The following TRIM69 variants were observed in gnomAD, a reference collection of about 807,000 sequenced individuals.
TRIM69 encodes the protein tripartite motif containing 69, also known as E3 ubiquitin-protein ligase TRIM69.
A neutral mutation model predicts 37.7 loss-of-function variants in TRIM69; 29 were observed. The ratio of observed to expected loss-of-function variants is 0.77; its 90% CI spans 0.57 to 1.05. TRIM69 has a LOEUF of 1.05. Among genes scored for constraint, TRIM69 ranks in the 50% least tolerant of loss-of-function variants. The pLI is 0.00. For synonymous variants in TRIM69, 209 were observed against 212.4 expected (o/e 0.98, Z 0.14); for missense variants, 596 against 579.9 (o/e 1.03, Z -0.28).
At chr15:44,756,493 T>G in intron 3 of TRIM69, 30 bp downstream of exon 3, 2 of 1,450,854 alleles carry the variant, frequency 1.4e-6, no homozygotes, top group Non-Finnish European at 1.9e-6. Flanking sequence ...GGTTATGAGA[T>G]AGAACTGGAA....
At chr15:44,746,069 C>CAAAAT (rs71111888) in intron 1 of TRIM69, among the ~76,000 whole-genome samples, 1 of 151,524 alleles carries the variant, frequency 6.6e-6, no homozygotes, top group Non-Finnish European at 1.5e-5. Flanking sequence ...AGAGCCACAC[C>CAAAAT]AAGTTATAAT....
At chr15:44,752,993 T>C (rs932905446) in intron 1 of TRIM69, 5 of 152,180 alleles carry the variant, frequency 3.3e-5, no homozygotes. Context: ...CACATAACTA[T>C]TGTTTTGTGC....
At chr15:44,764,368 T>C (rs1009409908) in intron 6 of TRIM69, among the ~76,000 whole-genome samples, 3 of 152,236 alleles carry the variant, frequency 2.0e-5, no homozygotes, top group African/African-American at 7.2e-5. Flanking sequence ...TGTTTTTCTA[T>C]GGTAACTGTG....
chr15:44,743,050 C>T (rs2087325978), intron 1 of TRIM69, among the ~76,000 whole-genome samples: 1 of 152,048 alleles, frequency 6.6e-6, no homozygotes, highest in African/African-American at 2.4e-5. Flanking sequence ...CATCATGCTA[C>T]CTGACTTCAA....
At chr15:44,752,721 C>T (rs6493125) in intron 1 of TRIM69, among the ~76,000 whole-genome samples, 138,904 of 152,106 alleles carry the variant, frequency 0.91, 63,633 homozygotes, top group Middle Eastern at 0.96. Flanking sequence ...TTGTGATTAA[C>T]TGATTTTTTT....
At chr15:44,750,893 TTTTTATC>T (rs1423063090) in intron 1 of TRIM69, among the ~76,000 whole-genome samples, 6 of 148,996 alleles carry the variant, frequency 4.0e-5, no homozygotes, top group African/African-American at 1.2e-4. Flanking sequence ...CCTGGCTGAT[TTTTTATC>T]TTTTTAGTAG....
chr15:44,767,809 A>C lies in TRIM69; in HGVS notation c.*37A>C. 6.4e-7 allele frequency: 1 copy of C among 1,551,944 alleles called. No individual in the cohort carries two copies. The highest frequency in any genetic ancestry group is 8.7e-7 in the Non-Finnish European group (1 of 1,150,778). ...ATTATACAAATTCAGAGTGTTATTA[A>C]AGAGGTATTGAAATATTTTACCAGT... is the stretch of plus-strand genomic sequence containing the variant. On this transcript the variant is annotated 3_prime_UTR_variant, in exon 7 of 7. Coordinates refer to ENST00000329464, the MANE Select transcript of TRIM69 (RefSeq NM_182985.5).
intron 1 of TRIM69, among the ~76,000 whole-genome samples, chr15:44,750,320 T>C (rs111246369): frequency 3.9e-5 from 6 of 152,180 alleles, no homozygotes; most frequent in African/African-American, 1.4e-4. Flanking sequence ...TTGAGAAGGA[T>C]TGATATTAAT....
Position 44,755,057 on chromosome 15 carries a change from G to C in TRIM69, c.164G>C (p.Ser55Thr). 6.2e-7 allele frequency: 1 copy of C among 1,614,210 alleles called. No homozygotes were observed. Among genetic ancestry groups the C allele is most frequent in the Admixed American group, 1.7e-5 (1 of 60,024 alleles). The change falls in exon 2 of 7, where the codon AGC becomes ACC. Residue 55 changes from serine to threonine, a missense_variant. Physicochemically the swap from Ser to Thr is moderately conservative, Grantham distance 58. Transcript: ENST00000329464. ...TGGTTCCGAGACCCACTGATGCTAA[G>C]CTGTGGCCACAACTTCTGTGAAGCC... The part of the protein sequence containing the change: ...NDWFRDPLML[S>T]CGHNFCEACI...
intron 1 of TRIM69, among the ~76,000 whole-genome samples, chr15:44,751,061 T>C (rs182642136): frequency 6.6e-6 from 1 of 150,498 alleles, no homozygotes; most frequent in African/African-American, 2.4e-5. Flanking sequence ...GCTCACGTGA[T>C]TCTCCCACCT....
Position 44,754,896 on chromosome 15 carries a change from A to G in TRIM69, c.7-4A>G, listed in dbSNP as rs758945140. The G allele has an allele frequency of 2.5e-6, 4 of 1,597,076 alleles. No homozygotes were observed. Among genetic ancestry groups the G allele is most frequent in the Non-Finnish European group, 3.4e-6 (4 of 1,167,364 alleles). ...AAACTCATTTTAGCTGTTCTTTTCT[A>G]AAGGTATCCACCAACCCCTCCTCCA... On this transcript the variant is annotated splice_region_variant and splice_polypyrimidine_tract_variant and intron_variant, in intron 1 of 6. Transcript: ENST00000329464.
At chr15:44,737,424 T>A (rs1481513665) in intron 1 of TRIM69, among the ~76,000 whole-genome samples, 1 of 152,216 alleles carries the variant, frequency 6.6e-6, no homozygotes, top group African/African-American at 2.4e-5. Context: ...CTATAAGCAT[T>A]TTGTTTATAA....
At position 44,764,514 on chromosome 15, in the gene TRIM69, T is replaced by C. The variant is rs539338938; in HGVS notation, c.962-2717T>C. On this transcript the variant is annotated intron_variant, in intron 6 of 6. Coordinates refer to ENST00000329464, the MANE Select transcript of TRIM69 (RefSeq NM_182985.5). ...TAGAGCAGGAGCTGGCACTTTTCTG[T>C]AAAGGTTTGAAGAGTAAATATTTTA... 7.9e-5 allele frequency among the ~76,000 whole-genome samples: 12 copies of C among 152,086 alleles called. No homozygotes were observed. In the East Asian group the frequency reaches 2.3e-3, roughly 29 times the overall value.
chr15:44,755,709 G>T (rs2087632037), intron 2 of TRIM69, among the ~76,000 whole-genome samples: 1 of 152,112 alleles, frequency 6.6e-6, no homozygotes. Flanking sequence ...TTAAAATGAA[G>T]AAAACAACAG....
chr15:44,761,684 T>C (rs1391756811), intron 6 of TRIM69, among the ~76,000 whole-genome samples: 1 of 152,194 alleles, frequency 6.6e-6, no homozygotes, highest in South Asian at 2.1e-4. Flanking sequence ...AGGCTGATCT[T>C]GAACTCCTGG....
chr15:44,736,612 T>G lies in TRIM69; in HGVS notation c.-93T>G. On this transcript the variant is annotated 5_prime_UTR_variant, in exon 1 of 7. Transcript: ENST00000329464. The stretch of plus-strand genomic sequence containing the variant: ...TGCTCTGAGCCCATTCCTTGAAAAC[T>G]AAAAGGTCCCTGACTCCCAGTCTGC... The G allele has an allele frequency of 6.6e-7, 1 of 1,513,234 alleles. No individual in the cohort carries two copies. The highest frequency in any genetic ancestry group is 9.0e-7 in the Non-Finnish European group (1 of 1,115,102). The allele number at this position is 1,513,234 out of a possible 1,614,324, so 93.7% of individuals were successfully genotyped here. A position where few individuals can be genotyped will look rare whatever the true frequency, so the allele number is the denominator to read the frequency against.
chr15:44,753,708 T>G lies in TRIM69; in HGVS notation c.7-1192T>G, dbSNP rs1009910976. The G allele has an allele frequency of 3.3e-5, 5 of 152,296 alleles. No homozygotes were observed. The South Asian group carries it at 6.2e-4, about 19-fold the overall frequency. The allele number at this position is 152,296 out of a possible 1,614,324, so 9.4% of individuals were successfully genotyped here. On this transcript the variant is annotated intron_variant, in intron 1 of 6. Transcript: ENST00000329464. ...TCATATTTTGGAAGTTTTCAGCCATTACTTTTTCAAAAATTTTTTTTTTTG... is the reference window on the plus strand; with the variant it reads ...TCATATTTTGGAAGTTTTCAGCCATGACTTTTTCAAAAATTTTTTTTTTTG...
At chr15:44,737,677 T>G (rs1315563502) in intron 1 of TRIM69, among the ~76,000 whole-genome samples, 1 of 152,198 alleles carries the variant, frequency 6.6e-6, no homozygotes, top group Non-Finnish European at 1.5e-5. Context: ...CCTTCTTATG[T>G]GCAAATGGCT....
chr15:44,765,784 C>CA lies in TRIM69; in HGVS notation c.962-1437dup, dbSNP rs752946155. 5.3e-3 allele frequency among the ~76,000 whole-genome samples: 740 copies of CA among 138,938 alleles called. 1 individual carries two copies. The highest frequency in any genetic ancestry group is 7.9e-3 in the South Asian group (35 of 4,458). The allele number at this position is 138,938 out of a possible 152,430, so 91.1% of individuals were successfully genotyped here. A position where few individuals can be genotyped will look rare whatever the true frequency, so the allele number is the denominator to read the frequency against. The stretch of plus-strand genomic sequence containing the variant: ...AAACAAAACAAAACAAACAAACAAA[C>CA]AAAAAAAAAACAGAGAGAGAGAAAC... On this transcript the variant is annotated intron_variant, in intron 6 of 6. Coordinates refer to ENST00000329464, the MANE Select transcript of TRIM69 (RefSeq NM_182985.5).
Sources: allele counts gnomAD v4.1 joint callset (sites outside exome capture counted in the v4.1 genomes callset), GRCh38; gene constraint gnomAD v4.1.1; transcripts MANE v1.5; gene names NCBI Gene and HGNC (gene_info 2026-07-23, HGNC 2026-07-21).